The following PPP6R3 variants were observed in gnomAD, a reference collection of about 807,000 sequenced individuals.
PPP6R3 encodes serine/threonine-protein phosphatase 6 regulatory subunit 3.
PPP6R3 carries 38 observed loss-of-function variants against 110.7 expected under a neutral mutation model. The observed-to-expected ratio is 0.34, with a 90% CI of 0.26 to 0.45. The LOEUF (loss-of-function observed/expected upper bound fraction) is 0.45. PPP6R3 is among the 20% of genes least tolerant of loss of function. PPP6R3 has a pLI of 1.00. For missense variants in PPP6R3, 870 were observed against 1,062.4 expected (o/e 0.82, Z 2.52); for synonymous variants, 369 against 373.5 (o/e 0.99, Z 0.14).
Position 68,613,079 on chromosome 11 carries a change from A to G in PPP6R3, c.2584A>G (p.Ser862Gly), listed in dbSNP as rs1944384011. The stretch of plus-strand genomic sequence containing the variant: ...GTTGCTCCTTAGGACTGGCCAACCA[A>G]GCGCACCAGGTGACACTTCAGTGAA... ...SSPEQRTGQP[S>G]APGDTSVNGP... Residue 862 changes from serine (S) to glycine (G), a missense_variant, in exon 24 of 24, where the codon AGC (serine) becomes GGC (glycine). Coordinates refer to ENST00000393800, the MANE Select transcript of PPP6R3 (RefSeq NM_001164161.2). 4 of 1,614,040 alleles carry G rather than the reference A, an allele frequency of 2.5e-6. No homozygotes were observed. The highest frequency in any genetic ancestry group is 1.3e-5 in the African/African-American group (1 of 74,916).
In PPP6R3 at chr11:68,461,030, C is replaced by T. The variant is rs552125409; in HGVS notation, c.-158+203C>T. 1.4e-4 allele frequency among the ~76,000 whole-genome samples: 22 copies of T among 151,902 alleles called. 1 individual carries two copies. The highest frequency in any genetic ancestry group is 5.1e-4 in the African/African-American group (21 of 41,514). On this transcript the variant is annotated intron_variant, in intron 1 of 23. Transcript: ENST00000393800. ...CCTTCCCGGCCGCTCCCCGTCCGCT[C>T]CTGTTAGCCGGGGGCCCCGCCAGGA...
At position 68,576,002 on chromosome 11, in the gene PPP6R3, A is replaced by G. The variant is rs371233445; in HGVS notation, c.1504A>G (p.Ser502Gly). 4.3e-6 allele frequency: 7 copies of G among 1,612,402 alleles called. No individual in the cohort carries two copies. The African/African-American group carries it at 8.0e-5, about 18-fold the overall frequency. ...GGAACGATGGGAGACGTTCTGCACA[A>G]GCTCCTTAGGAGAAACTAACAAGAG... ...VRERWETFCT[S>G]SLGETNKRNT... Residue 502 changes from serine to glycine, a missense_variant, in exon 14 of 24, where the codon AGC becomes GGC. Physicochemically the swap from Ser to Gly is moderately conservative, Grantham distance 56. Coordinates refer to ENST00000393800, the MANE Select transcript of PPP6R3 (RefSeq NM_001164161.2).
At chr11:68,532,984 CTG>C (rs1435331825) in intron 2 of PPP6R3, among the ~76,000 whole-genome samples, 1 of 152,170 alleles carries the variant, frequency 6.6e-6, no homozygotes, top group Non-Finnish European at 1.5e-5. Context: ...TGTTGTGTGA[CTG>C]TGTAGTCTGG....
intron 6 of PPP6R3, among the ~76,000 whole-genome samples, chr11:68,551,499 T>C (rs1046835544): frequency 1.3e-5 from 2 of 152,202 alleles, no homozygotes; most frequent in Non-Finnish European, 2.9e-5. Flanking sequence ...TACTTTTTTT[T>C]TCCCCTTTGA....
At chr11:68,556,535 T>TAA (rs11375771) in intron 7 of PPP6R3, among the ~76,000 whole-genome samples, 27,985 of 107,402 alleles carry the variant, frequency 0.26, 3,093 homozygotes, top group Middle Eastern at 0.32. Flanking sequence ...AATTTCTCAT[T>TAA]AAAAAAAAAA....
At chr11:68,462,892 C>CTTAA (rs1309814455) in intron 1 of PPP6R3, among the ~76,000 whole-genome samples, 1 of 152,128 alleles carries the variant, frequency 6.6e-6, no homozygotes, top group African/African-American at 2.4e-5. Context: ...GCTGGTGGAA[C>CTTAA]TTAAGGACAG....
intron 1 of PPP6R3, among the ~76,000 whole-genome samples, chr11:68,485,321 T>A (rs149732237): frequency 4.2e-4 from 64 of 151,606 alleles, no homozygotes; most frequent in Non-Finnish European, 8.1e-4. Flanking sequence ...TCCATCATGT[T>A]GTCTGTCAAC....
At chr11:68,547,431 C>A (rs1157184593) in intron 4 of PPP6R3, among the ~76,000 whole-genome samples, 3 of 152,176 alleles carry the variant, frequency 2.0e-5, no homozygotes, top group African/African-American at 4.8e-5. Flanking sequence ...TCCCTGGTCT[C>A]CCAGAGCAGA....
intron 22 of PPP6R3, among the ~76,000 whole-genome samples, chr11:68,606,828 C>T (rs1940375923): frequency 6.6e-6 from 1 of 152,082 alleles, no homozygotes; most frequent in Non-Finnish European, 1.5e-5. Flanking sequence ...TTGTTCTTTG[C>T]AGGTGGTAAT....
chr11:68,526,464 G>A (rs555869878), intron 2 of PPP6R3, among the ~76,000 whole-genome samples: 1 of 152,142 alleles, frequency 6.6e-6, no homozygotes, highest in Non-Finnish European at 1.5e-5. Flanking sequence ...GGCTGATCTT[G>A]AACTCCTGGA....
At position 68,556,551 on chromosome 11, in the gene PPP6R3, G is replaced by GAA. The variant is rs779111990; in HGVS notation, c.732-2005_732-2004dup. ...ATTTCTCATTAAAAAAAAAAAAAAC[G>GAA]AAAAAAAAAAACAATGAGCCATTGT... is the stretch of plus-strand genomic sequence containing the variant. On this transcript the variant is annotated intron_variant, in intron 7 of 23. Transcript: ENST00000393800. Among the ~76,000 whole-genome samples, 352 of 108,818 alleles carry GAA rather than the reference G, an allele frequency of 3.2e-3. 2 individuals are homozygous for GAA. The highest frequency in any genetic ancestry group is 0.011 in the African/African-American group (335 of 30,536). The allele number at this position is 108,818 out of a possible 152,430, so 71.4% of individuals were successfully genotyped here.
chr11:68,601,937 C>T lies in PPP6R3; in HGVS notation c.2267C>T (p.Pro756Leu). 6.2e-7 allele frequency: 1 copy of T among 1,613,240 alleles called. No individual in the cohort carries two copies. The highest frequency in any genetic ancestry group is 8.5e-7 in the Non-Finnish European group (1 of 1,179,716). The change falls in exon 21 of 24, where the codon CCC becomes CTC. Residue 756 changes from proline (P) to leucine (L), a missense_variant. Physicochemically the swap from Pro to Leu is moderately conservative, Grantham distance 98 (BLOSUM62 -3). Transcript: ENST00000393800. The part of the protein sequence containing the change: ...TSTEPMDPLT[P>L]SAAALAVQPE... Reference sequence around the variant, plus strand: ...ACTGAACCCATGGACCCTCTGACTCCCAGTGCGGCTGCCCTGGCAGTGCAG... The same window carrying T: ...ACTGAACCCATGGACCCTCTGACTCTCAGTGCGGCTGCCCTGGCAGTGCAG...
At chr11:68,551,551 G>A (rs776355595) in intron 6 of PPP6R3, among the ~76,000 whole-genome samples, 8 of 151,958 alleles carry the variant, frequency 5.3e-5, no homozygotes, top group South Asian at 2.1e-4. Flanking sequence ...ATGCAGTGGC[G>A]CGATCTTAGC....
At chr11:68,610,469 T>C (rs1942852333) in intron 23 of PPP6R3, among the ~76,000 whole-genome samples, 1 of 152,218 alleles carries the variant, frequency 6.6e-6, no homozygotes. Context: ...GAGAACTTGC[T>C]GGAGCCCTTT....
At chr11:68,535,798 C>T (rs2099267097) in intron 2 of PPP6R3, among the ~76,000 whole-genome samples, 1 of 106,812 alleles carries the variant, frequency 9.4e-6, no homozygotes, top group Non-Finnish European at 1.8e-5. Context: ...CCCGTCTCTA[C>T]TAAAAAAAAA....
chr11:68,597,205 G>A (rs542754693), intron 19 of PPP6R3, among the ~76,000 whole-genome samples: 1 of 152,288 alleles, frequency 6.6e-6, no homozygotes, highest in African/African-American at 2.4e-5. Flanking sequence ...CAGTGCAGGG[G>A]AATGGGTACA....
rs117269583 is a variant in PPP6R3, at chr11:68,498,025, A to G, written c.-157-21476A>G. On this transcript the variant is annotated intron_variant, in intron 1 of 23. Coordinates refer to ENST00000393800, the MANE Select transcript of PPP6R3 (RefSeq NM_001164161.2). Reference sequence around the variant, plus strand: ...GTTCTGTGGTTTTCCCCACAGTGTCATCTTCCTCTATATTTAGACATTTCT... The same window carrying G: ...GTTCTGTGGTTTTCCCCACAGTGTCGTCTTCCTCTATATTTAGACATTTCT... Among the ~76,000 whole-genome samples the G allele has an allele frequency of 2.5e-4, 38 of 152,322 alleles. No homozygotes were observed. The East Asian group carries it at 7.1e-3, about 29-fold the overall frequency.
chr11:68,596,687 C>T (rs910244277), intron 19 of PPP6R3, among the ~76,000 whole-genome samples: 1 of 152,222 alleles, frequency 6.6e-6, no homozygotes, highest in Non-Finnish European at 1.5e-5. Context: ...GAAACTTGTC[C>T]AGCTGAGTGC....
At chr11:68,460,977 C>A (rs1457210315) in intron 1 of PPP6R3, 150 bp downstream of exon 1, 2 of 151,854 alleles carry the variant, frequency 1.3e-5, no homozygotes, top group African/African-American at 4.8e-5. Context: ...TTCGTCGCTC[C>A]GCGGGCCCGG....
Sources: allele counts gnomAD v4.1 joint callset (sites outside exome capture counted in the v4.1 genomes callset), GRCh38; gene constraint gnomAD v4.1.1; transcripts MANE v1.5; gene names NCBI Gene and HGNC (gene_info 2026-07-23, HGNC 2026-07-21).